Variants in FCGR2A observed in about 807,000 individuals in gnomAD.
FCGR2A encodes low affinity immunoglobulin gamma Fc region receptor II-a.
A neutral mutation model predicts 29.3 loss-of-function variants in FCGR2A; 18 were observed. The observed-to-expected ratio is 0.62, with a 90% CI of 0.43 to 0.91. The LOEUF is 0.91. Among genes scored for constraint, FCGR2A ranks in the 40% least tolerant of loss-of-function variants. The pLI is 0.00. For missense variants in FCGR2A, 287 were observed against 393.0 expected (o/e 0.73, Z 2.28); for synonymous variants, 126 against 144.8 (o/e 0.87, Z 0.93).
At chr1:161,523,898 T>C (rs1327456961), downstream of FCGR2A, 3 of 152,128 alleles carry the variant, frequency 2.0e-5, no homozygotes, top group Non-Finnish European at 4.4e-5. Context: ...GCGAGAATTC[T>C]ACCACTGAAC....
downstream of FCGR2A, chr1:161,522,804 TC>T (rs1294477585): frequency 6.6e-6 from 1 of 152,096 alleles, no homozygotes; most frequent in African/African-American, 2.4e-5. Context: ...GTACGGCTGA[TC>T]CTCTCAAGCA....
At chr1:161,511,654 C>T (rs1302400426) in intron 5 of FCGR2A, among the ~76,000 whole-genome samples, 1 of 152,144 alleles carries the variant, frequency 6.6e-6, no homozygotes, top group Admixed American at 6.5e-5. Context: ...CAGGAAACAT[C>T]TGCCAGAGGG....
Position 161,518,914 on chromosome 1 carries a change from T to A in FCGR2A, c.*766T>A, listed in dbSNP as rs1676314645. 3.4e-6 allele frequency: 1 copy of A among 293,580 alleles called. No individual in the cohort carries two copies. Among genetic ancestry groups the A allele is most frequent in the African/African-American group, 2.3e-5 (1 of 43,996 alleles). 18.2% of individuals were successfully genotyped at this position (293,580 alleles called of 1,614,324 possible). The stretch of plus-strand genomic sequence containing the variant: ...CTGGGATGACCAGCATCAGCCCCAA[T>A]GTCCAGCCTCTTTAACATCTTCTTT... On this transcript the variant is annotated 3_prime_UTR_variant, in exon 7 of 7. Transcript: ENST00000271450.
At position 161,516,606 on chromosome 1, in the gene FCGR2A, T is replaced by A. The variant is rs414529; in HGVS notation, c.781-1369T>A. Among the ~76,000 whole-genome samples the A allele has an allele frequency of 3.5e-3, 534 of 152,134 alleles. 5 individuals are homozygous for A. The highest frequency in any genetic ancestry group is 0.012 in the African/African-American group (489 of 41,492). On this transcript the variant is annotated intron_variant, in intron 6 of 6. Coordinates refer to ENST00000271450, the MANE Select transcript of FCGR2A (RefSeq NM_001136219.3). Reference sequence around the variant, plus strand: ...TACCTATATAAATAATCAGGTCAAATTTAATGAAACTAGATTTATTTTTGC... The same window carrying A: ...TACCTATATAAATAATCAGGTCAAAATTAATGAAACTAGATTTATTTTTGC...
intron 1 of FCGR2A, 75 bp from the exon 2 acceptor site, chr1:161,505,912 G>A (rs1276654963): frequency 2.8e-6 from 4 of 1,454,180 alleles, no homozygotes; most frequent in Admixed American, 1.7e-5. Context: ...CACCTCCCCA[G>A]CATTTCACAT....
chr1:161,505,622 T>C, intron 1 of FCGR2A, 70 bp downstream of exon 1: 2 of 1,275,146 alleles, frequency 1.6e-6, no homozygotes, highest in East Asian at 4.6e-5. Flanking sequence ...GGTACCAGTG[T>C]GGTAAGGAGC....
At chr1:161,516,631 C>CA (rs767544164) in intron 6 of FCGR2A, among the ~76,000 whole-genome samples, 109 of 151,746 alleles carry the variant, frequency 7.2e-4, no homozygotes, top group Non-Finnish European at 1.3e-3. Flanking sequence ...TTTATTTTTG[C>CA]AAAAAAGTTA....
At chr1:161,522,929 C>T (rs1484786797), downstream of FCGR2A, 3 of 151,988 alleles carry the variant, frequency 2.0e-5, no homozygotes, top group Admixed American at 6.6e-5. Flanking sequence ...TTAAAAAGTC[C>T]CTTGAACTTC....
chr1:161,516,375 A>C (rs1468361001), intron 6 of FCGR2A, among the ~76,000 whole-genome samples: 1 of 152,070 alleles, frequency 6.6e-6, no homozygotes, highest in Non-Finnish European at 1.5e-5. Flanking sequence ...TTCAATAAGA[A>C]TCTATTCTCC....
downstream of FCGR2A, among the ~76,000 whole-genome samples, chr1:161,520,184 C>T (rs1676395483): frequency 6.6e-6 from 1 of 152,034 alleles, no homozygotes; most frequent in Admixed American, 6.6e-5. Context: ...TCTCACGCTG[C>T]TATGAAGAAA....
At position 161,510,833 on chromosome 1, in the gene FCGR2A, G is replaced by A. The variant is rs757925377; in HGVS notation, c.620-1G>A. On this transcript the variant is annotated splice_acceptor_variant, in intron 4 of 6. Transcript: ENST00000271450. LOFTEE classifies it high-confidence loss of function. The stretch of plus-strand genomic sequence containing the variant: ...CCTGCCCTAATGTCTGTCTTCCCTA[G>A]TGCCCAGCATGGGCAGCTCTTCACC... 6.2e-7 allele frequency: 1 copy of A among 1,614,126 alleles called. No individual in the cohort carries two copies. The highest frequency in any genetic ancestry group is 1.1e-5 in the South Asian group (1 of 91,082).
Position 161,510,746 on chromosome 1 carries a change from T to C in FCGR2A, c.620-88T>C, listed in dbSNP as rs528604274. 1.2e-5 allele frequency: 18 copies of C among 1,524,542 alleles called. No homozygotes were observed. The South Asian group carries it at 1.6e-4, about 13-fold the overall frequency. 94.4% of individuals were successfully genotyped at this position (1,524,542 alleles called of 1,614,324 possible). A position where few individuals can be genotyped will look rare whatever the true frequency, so the allele number is the denominator to read the frequency against. On this transcript the variant is annotated intron_variant, in intron 4 of 6. Transcript: ENST00000271450. ...AGGTGACAAGCACTGGGACATAGCA[T>C]TGGAGGTGGGAGGTGGGACAGGGAG...
At position 161,518,381 on chromosome 1, in the gene FCGR2A, A is replaced by C; in HGVS notation, c.*233A>C. 1.2e-6 allele frequency: 1 copy of C among 814,952 alleles called. No homozygotes were observed. Among genetic ancestry groups the C allele is most frequent in the Non-Finnish European group, 1.8e-6 (1 of 543,984 alleles). The allele number at this position is 814,952 out of a possible 1,614,324, so 50.5% of individuals were successfully genotyped here. On this transcript the variant is annotated 3_prime_UTR_variant, in exon 7 of 7. Coordinates refer to ENST00000271450, the MANE Select transcript of FCGR2A (RefSeq NM_001136219.3). ...ACTTAACTTGGATCATTTCTGGTAA[A>C]TGCTTATGTTAGAAATAAGACAACC... is the stretch of plus-strand genomic sequence containing the variant.
At chr1:161,515,904 G>C (rs2102484763) in intron 6 of FCGR2A, among the ~76,000 whole-genome samples, 1 of 152,272 alleles carries the variant, frequency 6.6e-6, no homozygotes, top group South Asian at 2.1e-4. Context: ...CCTCCAGATG[G>C]TATTTATTAG....
At chr1:161,511,805 C>A (rs112572824) in intron 5 of FCGR2A, among the ~76,000 whole-genome samples, 2,995 of 152,290 alleles carry the variant, frequency 0.02, 62 homozygotes, top group Non-Finnish European at 0.027. Context: ...ATGGGAGAGA[C>A]CCTCCCTGAG....
At chr1:161,508,626 T>A (rs1218961627) in intron 3 of FCGR2A, among the ~76,000 whole-genome samples, 2 of 151,668 alleles carry the variant, frequency 1.3e-5, no homozygotes, top group African/African-American at 2.4e-5. Context: ...TTTTTTTAAA[T>A]GAATTTTTAT....
chr1:161,519,996 G>A (rs1160638562), downstream of FCGR2A: 2 of 151,900 alleles, frequency 1.3e-5, no homozygotes, highest in Non-Finnish European at 2.9e-5. Context: ...GGTTTGGTGA[G>A]TGCCCTTAAA....
chr1:161,509,683 C>T, intron 3 of FCGR2A, 137 bp from the exon 4 acceptor site: 1 of 1,179,320 alleles, frequency 8.5e-7, no homozygotes, highest in Non-Finnish European at 1.2e-6. Context: ...TAAGAGAATG[C>T]TCACATCTGT....
intron 3 of FCGR2A, among the ~76,000 whole-genome samples, chr1:161,507,228 CT>C (rs11291975): frequency 0.1 from 15,097 of 151,116 alleles, 914 homozygotes; most frequent in Middle Eastern, 0.15. Flanking sequence ...GATAGTATTT[CT>C]TTTTTTTTTC....
Sources: allele counts gnomAD v4.1 joint callset (sites outside exome capture counted in the v4.1 genomes callset), GRCh38; gene constraint gnomAD v4.1.1; transcripts MANE v1.5; gene names NCBI Gene and HGNC (gene_info 2026-07-23, HGNC 2026-07-21).